Variants in CCPG1 observed in about 807,000 individuals in gnomAD.
CCPG1 encodes the protein cell cycle progression protein 1.
A neutral mutation model predicts 81.3 loss-of-function variants in CCPG1; 46 were observed. The ratio of observed to expected loss-of-function variants is 0.57; its 90% CI spans 0.45 to 0.72. CCPG1 has a LOEUF of 0.72. Among genes scored for constraint, CCPG1 ranks in the 30% least tolerant of loss-of-function variants. The pLI is 0.00. For missense variants in CCPG1, 902 were observed against 937.6 expected (o/e 0.96, Z 0.50); for synonymous variants, 330 against 305.2 (o/e 1.08, Z -0.85).
chr15:55,362,420 T>G (rs1193764039), intron 7 of CCPG1, among the ~76,000 whole-genome samples: 2 of 152,142 alleles, frequency 1.3e-5, no homozygotes, highest in Admixed American at 1.3e-4. Flanking sequence ...CTGCTTCACG[T>G]TCTGGCTCAT....
chr15:55,383,908 T>C (rs2056750555), intron 3 of CCPG1, among the ~76,000 whole-genome samples: 2 of 152,234 alleles, frequency 1.3e-5, no homozygotes, highest in Admixed American at 1.3e-4. Flanking sequence ...GCAATAAGGC[T>C]ATATGGCTTC....
chr15:55,396,229 G>C (rs1189450601), intron 1 of CCPG1, among the ~76,000 whole-genome samples: 3 of 151,496 alleles, frequency 2.0e-5, no homozygotes, highest in African/African-American at 4.8e-5. Context: ...CTGACCATTG[G>C]TAAATGTATA....
rs34958422 is a variant in CCPG1, at chr15:55,360,521, A to G, written c.1252T>C (p.Tyr418His). 0.035 allele frequency: 56,623 copies of G among 1,613,888 alleles called. 1,061 individuals carry two copies. Among genetic ancestry groups the G allele is most frequent in the African/African-American group, 0.051 (3,856 of 74,924 alleles). ...LHGKSDSPNV[Y>H]TEKKEIAILR... ...ATTGCTATTTCCTTTTTTTCAGTAT[A>G]TACATTGGGAGAATCTGACTTGCCA... Residue 418 changes from tyrosine (Y) to histidine (H), a missense_variant, in exon 8 of 9, where the codon TAT becomes CAT. Tyr to His is a moderately conservative substitution (Grantham distance 83, BLOSUM62 2). Transcript: ENST00000442196.
intron 1 of CCPG1, among the ~76,000 whole-genome samples, chr15:55,404,608 T>C (rs1393510561): frequency 1.3e-5 from 2 of 152,216 alleles, no homozygotes; most frequent in Admixed American, 1.3e-4. Context: ...CTGATTTAAC[T>C]GTACAAAGTG....
intron 7 of CCPG1, among the ~76,000 whole-genome samples, chr15:55,363,723 C>G (rs2056255340): frequency 6.8e-6 from 1 of 147,190 alleles, no homozygotes; most frequent in Non-Finnish European, 1.5e-5. Flanking sequence ...GTAAGGGAAG[C>G]ATACATAAAT....
chr15:55,360,612 C>G lies in CCPG1; in HGVS notation c.1161G>C (p.Glu387Asp). 6.2e-7 allele frequency: 1 copy of G among 1,614,154 alleles called. No homozygotes were observed. Residue 387 changes from glutamate to aspartate, a missense_variant, in exon 8 of 9, where the codon GAG becomes GAC. Physicochemically the swap from Glu to Asp is conservative, Grantham distance 45. Coordinates refer to ENST00000442196, the MANE Select transcript of CCPG1 (RefSeq NM_001204450.2). Reference protein sequence around the residue: ...TEAKMLKRELERERLVTTALR... With the variant: ...TEAKMLKRELDRERLVTTALR... Reference sequence around the variant, plus strand: ...AAGCCGTAGTTACTAGTCGTTCTCTCTCCAGTTCTCTCTTTAGCATCTTTG... The same window carrying G: ...AAGCCGTAGTTACTAGTCGTTCTCTGTCCAGTTCTCTCTTTAGCATCTTTG...
intron 3 of CCPG1, 49 bp from the exon 4 acceptor site, chr15:55,378,425 C>A: frequency 8.4e-7 from 1 of 1,192,132 alleles, no homozygotes; most frequent in Non-Finnish European, 1.2e-6. Context: ...TTAAAACTCT[C>A]TGTTGACTTT....
chr15:55,376,842 C>A, intron 5 of CCPG1, 107 bp downstream of exon 5: 1 of 785,514 alleles, frequency 1.3e-6, no homozygotes, highest in Admixed American at 2.6e-5. Context: ...TTGAGTTTTA[C>A]CCAAACATAT....
intron 8 of CCPG1, chr15:55,357,918 T>C (rs566357047): frequency 6.6e-6 from 1 of 152,362 alleles, no homozygotes; most frequent in East Asian, 1.9e-4. Flanking sequence ...AATGAAATAA[T>C]GCAGTTCTGC....
At chr15:55,371,327 A>C (rs1029346862) in intron 6 of CCPG1, among the ~76,000 whole-genome samples, 1 of 152,266 alleles carries the variant, frequency 6.6e-6, no homozygotes, top group African/African-American at 2.4e-5. Context: ...AGAAGCAACA[A>C]TGAAAGTTAC....
intron 3 of CCPG1, among the ~76,000 whole-genome samples, chr15:55,381,928 C>T (rs556484040): frequency 6.6e-6 from 1 of 152,168 alleles, no homozygotes; most frequent in Non-Finnish European, 1.5e-5. Flanking sequence ...TTTGGTTTCC[C>T]TGTCCATGTA....
intron 4 of CCPG1, 48 bp downstream of exon 4, chr15:55,378,252 C>CT (rs1311174724): frequency 8.8e-7 from 1 of 1,139,594 alleles, no homozygotes; most frequent in Non-Finnish European, 1.3e-6. Flanking sequence ...AAATAGTATT[C>CT]TAAGGATACT....
chr15:55,393,819 T>C (rs527754575), intron 1 of CCPG1, among the ~76,000 whole-genome samples: 2 of 152,146 alleles, frequency 1.3e-5, no homozygotes, highest in East Asian at 3.9e-4. Flanking sequence ...CTTTGTAACT[T>C]TACTTCACCT....
At chr15:55,374,963 C>T (rs972248380) in intron 5 of CCPG1, among the ~76,000 whole-genome samples, 4 of 152,198 alleles carry the variant, frequency 2.6e-5, no homozygotes, top group Non-Finnish European at 4.4e-5. Flanking sequence ...AAGTGCCCGG[C>T]CCCAAAACAA....
chr15:55,360,646 AAC>A lies in CCPG1; in HGVS notation c.1125_1126del (p.Leu376AspfsTer30). 6.2e-7 allele frequency: 1 copy of A among 1,614,058 alleles called. No individual in the cohort carries two copies. The highest frequency in any genetic ancestry group is 8.5e-7 in the Non-Finnish European group (1 of 1,180,010). ...TCTCTTTAGCATCTTTGCTTCTGTC[AAC>A]AGAGTCTCCCTTTGACTAAGAAAGC... is the stretch of plus-strand genomic sequence containing the variant. On this transcript the variant is annotated frameshift_variant, in exon 8 of 9. Transcript: ENST00000442196. LOFTEE classifies it high-confidence loss of function.
At chr15:55,385,848 G>A in intron 2 of CCPG1, 134 bp from the exon 3 acceptor site, 1 of 635,902 alleles carries the variant, frequency 1.6e-6, no homozygotes, top group Non-Finnish European at 2.8e-6. Flanking sequence ...TATCTAATTA[G>A]ACAAGCTTTT....
At chr15:55,372,826 A>C in intron 5 of CCPG1, 1 of 408,820 alleles carries the variant, frequency 2.4e-6, no homozygotes, top group Non-Finnish European at 5.0e-6. Flanking sequence ...ATAAAGTAAA[A>C]TAACTACCAA....
intron 1 of CCPG1, among the ~76,000 whole-genome samples, chr15:55,405,362 CA>C (rs954374936): frequency 2.0e-5 from 3 of 149,960 alleles, no homozygotes; most frequent in Non-Finnish European, 3.0e-5. Flanking sequence ...AACTCCGTCT[CA>C]AAAAAAAATT....
intron 3 of CCPG1, among the ~76,000 whole-genome samples, chr15:55,382,784 T>C (rs1012377127): frequency 5.3e-5 from 8 of 151,970 alleles, no homozygotes; most frequent in Non-Finnish European, 1.5e-5. Context: ...GCTGGGATTA[T>C]AGGCATGAGC....
Sources: allele counts gnomAD v4.1 joint callset (sites outside exome capture counted in the v4.1 genomes callset), GRCh38; gene constraint gnomAD v4.1.1; transcripts MANE v1.5; gene names NCBI Gene and HGNC (gene_info 2026-07-23, HGNC 2026-07-21).